ARMC2: variants seen among roughly 807,000 people sequenced by gnomAD.
ARMC2 encodes armadillo repeat containing 2.
In ARMC2, 67 loss-of-function variants were observed where a neutral mutation model predicts 90.3. The ratio of observed to expected loss-of-function variants is 0.74; its 90% confidence interval spans 0.61 to 0.91. The LOEUF (loss-of-function observed/expected upper bound fraction) is 0.91, where lower values mean the gene tolerates loss of function less well. Among genes scored for constraint, ARMC2 ranks in the 40% least tolerant of loss-of-function variants. ARMC2 has a pLI of 0.00. For synonymous variants in ARMC2, 393 were observed against 393.0 expected (o/e 1.00, Z 0.00); for missense variants, 920 against 1,030.9 (o/e 0.89, Z 1.47).
chr6:109,010,681 TATACTGCTTTTAA>T, the ARMC2 span, among the ~76,000 whole-genome samples: 1 of 152,242 alleles, frequency 6.6e-6, no homozygotes, highest in Non-Finnish European at 1.5e-5. Flanking sequence ...ATATGTTCTC[TATACTGCTTTTAA>T]AAAATAGCTA....
At position 108,920,414 on chromosome 6, in the gene ARMC2, T is replaced by C. The variant is rs1028423685; in HGVS notation, c.1351-7674T>C. Among the ~76,000 whole-genome samples, 3 of 152,248 alleles carry C rather than the reference T, an allele frequency of 2.0e-5. No individual in the cohort carries two copies. The South Asian group carries it at 6.2e-4, about 32-fold the overall frequency. The stretch of plus-strand genomic sequence containing the variant: ...TTCTACTTATGGGGCTTCCTTCCTA[T>C]AAAAGAATTGCCAGCAGCATAACTA... On this transcript the variant is annotated intron_variant, in intron 10 of 17. Coordinates refer to ENST00000392644, the MANE Select transcript of ARMC2 (RefSeq NM_032131.6).
intron 10 of ARMC2, among the ~76,000 whole-genome samples, chr6:108,913,916 T>C (rs1463126905): frequency 1.3e-5 from 2 of 152,214 alleles, no homozygotes; most frequent in African/African-American, 4.8e-5. Context: ...CAATATGTAG[T>C]AAAAATCCCT....
At chr6:108,975,002 T>TC (rs531438678), downstream of ARMC2, among the ~76,000 whole-genome samples, 82 of 147,102 alleles carry the variant, frequency 5.6e-4, no homozygotes, top group Non-Finnish European at 8.3e-4. Context: ...TCTCTCTCTC[T>TC]TTTTTTTTTT....
intron 13 of ARMC2, among the ~76,000 whole-genome samples, chr6:108,954,124 C>T (rs1011795755): frequency 2.0e-5 from 3 of 152,172 alleles, no homozygotes; most frequent in African/African-American, 7.2e-5. Context: ...AGGACCCTAC[C>T]CTTATGGGCT....
chr6:108,982,148 GTA>G, the ARMC2 span, among the ~76,000 whole-genome samples: 1 of 152,106 alleles, frequency 6.6e-6, no homozygotes, highest in Non-Finnish European at 1.5e-5. Context: ...GTTCTTTTGT[GTA>G]TATACTCAGA....
intron 8 of ARMC2, among the ~76,000 whole-genome samples, chr6:108,910,063 T>C (rs1401337288): frequency 6.6e-6 from 1 of 152,228 alleles, no homozygotes; most frequent in Admixed American, 6.5e-5. Flanking sequence ...TTCATCTTCC[T>C]CTACTTTTGT....
chr6:108,993,390 C>T, the ARMC2 span, among the ~76,000 whole-genome samples: 16 of 152,148 alleles, frequency 1.1e-4, no homozygotes, highest in Non-Finnish European at 1.6e-4. Context: ...TCTGGACTAT[C>T]ATCATGTTTA....
At chr6:108,992,676 T>C in the ARMC2 span, 1 of 716,314 alleles carries the variant, frequency 1.4e-6, no homozygotes, top group South Asian at 1.6e-5. Context: ...CAAGACGAGA[T>C]ACTGCCTGCA....
the ARMC2 span, among the ~76,000 whole-genome samples, chr6:108,997,379 T>C: frequency 1.3e-5 from 2 of 152,208 alleles, no homozygotes; most frequent in African/African-American, 4.8e-5. Flanking sequence ...ACTGCCAAGC[T>C]TTGAAAAATA....
intron 5 of ARMC2, among the ~76,000 whole-genome samples, chr6:108,884,211 C>A (rs1322320416): frequency 6.6e-6 from 1 of 152,056 alleles, no homozygotes; most frequent in Non-Finnish European, 1.5e-5. Context: ...AAGAGTGGAC[C>A]CTGTCCATGA....
At chr6:108,897,104 A>T (rs1771683053) in intron 6 of ARMC2, among the ~76,000 whole-genome samples, 1 of 152,176 alleles carries the variant, frequency 6.6e-6, no homozygotes, top group South Asian at 2.1e-4. Context: ...AAAAACAATG[A>T]CCCAAAAGAT....
At chr6:109,052,844 T>C in the ARMC2 span, among the ~76,000 whole-genome samples, 1 of 152,200 alleles carries the variant, frequency 6.6e-6, no homozygotes, top group African/African-American at 2.4e-5. Context: ...AAATATTTAT[T>C]GTTGACTTAA....
chr6:108,942,702 A>G (rs1022364121), intron 12 of ARMC2, among the ~76,000 whole-genome samples: 11 of 152,134 alleles, frequency 7.2e-5, no homozygotes, highest in African/African-American at 2.7e-4. Context: ...ATACACAGCC[A>G]TTGCCAAGTG....
At chr6:109,007,390 C>T in the ARMC2 span, among the ~76,000 whole-genome samples, 2 of 152,214 alleles carry the variant, frequency 1.3e-5, no homozygotes, top group Admixed American at 6.5e-5. Flanking sequence ...TGTTGGCTTA[C>T]AGTATCTACC....
At chr6:108,937,839 CGTG>C (rs1776079193) in intron 12 of ARMC2, among the ~76,000 whole-genome samples, 1 of 152,018 alleles carries the variant, frequency 6.6e-6, no homozygotes, top group Non-Finnish European at 1.5e-5. Flanking sequence ...GGACTACAGG[CGTG>C]CCACCACACC....
At chr6:108,978,008 C>T (rs1193709888), downstream of ARMC2, among the ~76,000 whole-genome samples, 1 of 152,062 alleles carries the variant, frequency 6.6e-6, no homozygotes, top group Non-Finnish European at 1.5e-5. Context: ...TTCAGTTCTG[C>T]TCTGATGTTA....
the ARMC2 span, among the ~76,000 whole-genome samples, chr6:108,989,581 ATAT>A: frequency 3.3e-5 from 5 of 151,368 alleles, no homozygotes; most frequent in Admixed American, 6.6e-5. Context: ...AGATATCTAT[ATAT>A]AGAGAGAGAT....
intron 12 of ARMC2, among the ~76,000 whole-genome samples, chr6:108,940,921 C>T (rs1325855888): frequency 2.0e-5 from 3 of 151,732 alleles, no homozygotes; most frequent in East Asian, 1.9e-4. Flanking sequence ...AATCCTATCT[C>T]AGAGAGAGAG....
the ARMC2 span, among the ~76,000 whole-genome samples, chr6:109,045,910 A>G: frequency 6.6e-6 from 1 of 152,222 alleles, no homozygotes. Context: ...CACGATATGG[A>G]AGAACTCTGA....
Sources: allele counts gnomAD v4.1 joint callset (sites outside exome capture counted in the v4.1 genomes callset), GRCh38; gene constraint gnomAD v4.1.1; transcripts MANE v1.5; gene names NCBI Gene and HGNC (gene_info 2026-07-23, HGNC 2026-07-21).